ADAMTSL1: variants seen among roughly 807,000 people sequenced by gnomAD.
The protein encoded by ADAMTSL1 is ADAMTS-like protein 1.
In ADAMTSL1, 126 loss-of-function variants were observed where a neutral mutation model predicts 201.8. The observed-to-expected ratio is 0.62, with a 90% CI of 0.54 to 0.72. The LOEUF (loss-of-function observed/expected upper bound fraction) is 0.72, where lower values mean the gene tolerates loss of function less well. ADAMTSL1 is among the 30% of genes least tolerant of loss of function. The pLI is 0.00. For synonymous variants in ADAMTSL1, 1,121 were observed against 903.4 expected (o/e 1.24, Z -4.32); for missense variants, 2,679 against 2,277.8 (o/e 1.18, Z -3.59).
At chr9:18,888,671 A>G (rs1829053212) in intron 24 of ADAMTSL1, among the ~76,000 whole-genome samples, 1 of 152,186 alleles carries the variant, frequency 6.6e-6, no homozygotes, top group Non-Finnish European at 1.5e-5. Context: ...AAAGAGGGAA[A>G]CTGGCCTTCT....
chr9:18,310,201 C>T lies in ADAMTSL1; in HGVS notation c.207+146220C>T, dbSNP rs561683150. On this transcript the variant is annotated intron_variant, in intron 2 of 29. Transcript: ENST00000680146. ...AAAAATTAACTCAAGATGGTATAAA[C>T]ACTTAAACATAAGCCCTAAAACCAT... Among the ~76,000 whole-genome samples the T allele has an allele frequency of 2.0e-4, 30 of 151,604 alleles. No homozygotes were observed. The South Asian group carries it at 5.1e-3, about 26-fold the overall frequency.
chr9:18,059,771 C>A (rs534894327), intron 1 of ADAMTSL1, among the ~76,000 whole-genome samples: 1 of 152,180 alleles, frequency 6.6e-6, no homozygotes, highest in African/African-American at 2.4e-5. Context: ...TTCTACCTCA[C>A]CTCATTAAAT....
At chr9:18,832,441 C>T (rs547784322) in intron 23 of ADAMTSL1, among the ~76,000 whole-genome samples, 10 of 152,212 alleles carry the variant, frequency 6.6e-5, no homozygotes, top group African/African-American at 1.4e-4. Flanking sequence ...ACCTGGGGAA[C>T]GGGAACAAAT....
At chr9:18,409,839 CCTATA>C (rs1246271577) in intron 2 of ADAMTSL1, among the ~76,000 whole-genome samples, 48 of 149,310 alleles carry the variant, frequency 3.2e-4, no homozygotes, top group African/African-American at 1.1e-3. Flanking sequence ...TATATATGTA[CCTATA>C]CTATATAATG....
chr9:18,160,733 G>A (rs910949399), intron 1 of ADAMTSL1, among the ~76,000 whole-genome samples: 2 of 151,412 alleles, frequency 1.3e-5, no homozygotes, highest in African/African-American at 4.9e-5. Flanking sequence ...AGGCCAGAGT[G>A]TAGTGGCACA....
At chr9:18,521,847 A>G (rs1046791677) in intron 2 of ADAMTSL1, among the ~76,000 whole-genome samples, 1 of 152,228 alleles carries the variant, frequency 6.6e-6, no homozygotes, top group African/African-American at 2.4e-5. Flanking sequence ...TAAGAAAAAG[A>G]TTAGAATATG....
At chr9:18,071,602 G>A (rs1237548958) in intron 1 of ADAMTSL1, among the ~76,000 whole-genome samples, 2 of 152,228 alleles carry the variant, frequency 1.3e-5, no homozygotes, top group Non-Finnish European at 2.9e-5. Flanking sequence ...TCAGGTACAA[G>A]TGAAGTGACA....
chr9:18,741,943 T>C, intron 15 of ADAMTSL1, among the ~76,000 whole-genome samples: 1 of 152,168 alleles, frequency 6.6e-6, no homozygotes, highest in East Asian at 1.9e-4. Flanking sequence ...AACTCAACCC[T>C]CCTTGCAATT....
intron 1 of ADAMTSL1, among the ~76,000 whole-genome samples, chr9:17,974,261 A>G (rs201218599): frequency 2.0e-5 from 3 of 151,970 alleles, no homozygotes; most frequent in Admixed American, 6.6e-5. Flanking sequence ...TCAGGCAGGA[A>G]AAGGAAATAA....
At chr9:18,261,262 C>G (rs1480814464) in intron 2 of ADAMTSL1, among the ~76,000 whole-genome samples, 1 of 152,030 alleles carries the variant, frequency 6.6e-6, no homozygotes, top group African/African-American at 2.4e-5. Flanking sequence ...TTGAGAGAGG[C>G]CTTTTGTGCT....
chr9:18,783,122 T>G (rs1049084197), intron 19 of ADAMTSL1, among the ~76,000 whole-genome samples: 1 of 152,178 alleles, frequency 6.6e-6, no homozygotes, highest in African/African-American at 2.4e-5. Context: ...GCCATTGCAG[T>G]AGCCCCTACA....
intron 4 of ADAMTSL1, among the ~76,000 whole-genome samples, chr9:18,594,193 C>A (rs1182959229): frequency 6.6e-6 from 1 of 151,926 alleles, no homozygotes; most frequent in Non-Finnish European, 1.5e-5. Flanking sequence ...TTTCCCACTC[C>A]TTCCTGGCCT....
chr9:18,847,368 A>G (rs1261998863), intron 23 of ADAMTSL1, among the ~76,000 whole-genome samples: 1 of 152,234 alleles, frequency 6.6e-6, no homozygotes, highest in Non-Finnish European at 1.5e-5. Context: ...CCATGTTTTC[A>G]GCACCATTGA....
At chr9:18,386,737 A>T (rs1427714015) in intron 2 of ADAMTSL1, among the ~76,000 whole-genome samples, 1 of 152,026 alleles carries the variant, frequency 6.6e-6, no homozygotes, top group Non-Finnish European at 1.5e-5. Flanking sequence ...GTGTCTTTTT[A>T]TGTTTCCCTG....
intron 15 of ADAMTSL1, among the ~76,000 whole-genome samples, chr9:18,726,025 C>T (rs907357495): frequency 6.6e-6 from 1 of 152,202 alleles, no homozygotes; most frequent in African/African-American, 2.4e-5. Context: ...AGAGGCCATA[C>T]ACCTTTTGAA....
intron 9 of ADAMTSL1, among the ~76,000 whole-genome samples, chr9:18,670,897 A>G (rs757623046): frequency 1.4e-5 from 2 of 147,250 alleles, no homozygotes; most frequent in Non-Finnish European, 3.0e-5. Flanking sequence ...ACCAAAAGCC[A>G]CAGATGCTCA....
intron 1 of ADAMTSL1, among the ~76,000 whole-genome samples, chr9:17,926,488 A>C (rs530599412): frequency 6.6e-6 from 1 of 152,120 alleles, no homozygotes; most frequent in Non-Finnish European, 1.5e-5. Flanking sequence ...CTCAACCCGC[A>C]TTTCCATAGC....
At chr9:18,193,018 G>A (rs1587278388) in intron 2 of ADAMTSL1, among the ~76,000 whole-genome samples, 1 of 152,100 alleles carries the variant, frequency 6.6e-6, no homozygotes, top group Non-Finnish European at 1.5e-5. Context: ...AAAAAAATGT[G>A]CTGAAGACAT....
intron 1 of ADAMTSL1, among the ~76,000 whole-genome samples, chr9:18,101,646 C>T (rs757800661): frequency 6.6e-6 from 1 of 152,146 alleles, no homozygotes; most frequent in African/African-American, 2.4e-5. Context: ...GAGGGTTACT[C>T]TGAATTTAGA....
Sources: gnomAD v4.1 joint callset for allele counts (sites outside exome capture counted in the v4.1 genomes callset) on GRCh38, gnomAD v4.1.1 for gene constraint, MANE v1.5 for transcripts, NCBI Gene and HGNC (gene_info 2026-07-23, HGNC 2026-07-21) for gene names.